Variants in DEFB115 observed in about 807,000 individuals in gnomAD.
DEFB115 encodes beta-defensin 115.
A neutral mutation model predicts 8.8 loss-of-function variants in DEFB115; 7 were observed. The observed-to-expected ratio is 0.79, with a 90% CI of 0.45 to 1.49. DEFB115 has a LOEUF of 1.49. Among genes scored for constraint, DEFB115 ranks in the 40% most tolerant of loss-of-function variants. The pLI, the probability that DEFB115 is intolerant of heterozygous loss-of-function variation, is 0.01. For synonymous variants in DEFB115, 62 were observed against 37.6 expected (o/e 1.65, Z -2.37); for missense variants, 143 against 99.4 (o/e 1.44, Z -1.86).
chr20:31,257,814 G>A (rs1600438198), intron 1 of DEFB115, 57 bp downstream of exon 1: 1 of 1,460,870 alleles, frequency 6.8e-7, no homozygotes, highest in Non-Finnish European at 9.6e-7. Context: ...CCTAACCACA[G>A]AATCACTGGA....
In DEFB115 at chr20:31,259,547, A is replaced by G. The variant is rs767057900; in HGVS notation, c.182A>G (p.Glu61Gly). 3 of 1,613,206 alleles carry G rather than the reference A, an allele frequency of 1.9e-6. No individual in the cohort carries two copies. The highest frequency in any genetic ancestry group is 2.2e-5 in the South Asian group (2 of 90,910). ...EIERKKEKCGEKHICCVPKEK... is the reference protein window; with the variant it reads ...EIERKKEKCGGKHICCVPKEK... ...GAGAGGAAGAAAGAAAAATGTGGGG[A>G]AAAACATATTTGCTGTGTCCCTAAA... The change falls in exon 2 of 2, where the codon GAA becomes GGA. Residue 61 changes from glutamate (E) to glycine (G), a missense_variant. Transcript: ENST00000400552.
chr20:31,259,355 T>A, intron 1 of DEFB115, 105 bp from the exon 2 acceptor site: 1 of 1,206,844 alleles, frequency 8.3e-7, no homozygotes, highest in Non-Finnish European at 1.1e-6. Context: ...AGTGTCAAAA[T>A]CAATGTTTCA....
intron 1 of DEFB115, 90 bp from the exon 2 acceptor site, chr20:31,259,370 A>C: frequency 7.6e-7 from 1 of 1,321,440 alleles, no homozygotes; most frequent in Non-Finnish European, 1.0e-6. Context: ...GTTTCACTCT[A>C]ACCATTATTA....
In DEFB115 at chr20:31,259,628, T is replaced by A; in HGVS notation, c.263T>A (p.Ile88Asn). 8 of 1,580,702 alleles carry A rather than the reference T, an allele frequency of 5.1e-6. No homozygotes were observed. Among genetic ancestry groups the A allele is most frequent in the Non-Finnish European group, 6.9e-6 (8 of 1,166,116 alleles). The change falls in exon 2 of 2, where the codon ATC becomes AAC. Residue 88 changes from isoleucine (I) to asparagine (N), a missense_variant. Transcript: ENST00000400552. ...HDQKETSELY[I>N] ...CAAAAAGAGACAAGTGAGCTATATATCTAGTTGCGACTCCTAATTCAGAAT... is the reference window on the plus strand; with the variant it reads ...CAAAAAGAGACAAGTGAGCTATATAACTAGTTGCGACTCCTAATTCAGAAT...
chr20:31,257,877 A>G, intron 1 of DEFB115, 120 bp downstream of exon 1: 1 of 851,130 alleles, frequency 1.2e-6, no homozygotes, highest in South Asian at 1.6e-5. Flanking sequence ...CTGAGATCTG[A>G]TGAAAGGCTT....
At chr20:31,259,144 T>C (rs529268620) in intron 1 of DEFB115, among the ~76,000 whole-genome samples, 16 of 152,036 alleles carry the variant, frequency 1.1e-4, no homozygotes, top group Non-Finnish European at 2.2e-4. Context: ...AAAAAGATAA[T>C]TGAAGGCTTA....
At chr20:31,259,405 T>C in intron 1 of DEFB115, 55 bp from the exon 2 acceptor site, 1 of 1,472,280 alleles carries the variant, frequency 6.8e-7, no homozygotes, top group Non-Finnish European at 9.0e-7. Flanking sequence ...CTTTCTTTAA[T>C]TGTATTTATT....
At chr20:31,257,844 G>A in intron 1 of DEFB115, 87 bp downstream of exon 1, 2 of 1,189,842 alleles carry the variant, frequency 1.7e-6, no homozygotes, top group Non-Finnish European at 2.5e-6. Context: ...ATGTGTAGAA[G>A]CAAGGAGAGC....
At position 31,259,446 on chromosome 20, in the gene DEFB115, G is replaced by T; in HGVS notation, c.95-14G>T. ...AATGTATTTATATATTCATGTGTTT[G>T]CTTATTTTGATAGATGGATGGATCA... On this transcript the variant is annotated splice_polypyrimidine_tract_variant and intron_variant, in intron 1 of 1. Coordinates refer to ENST00000400552, the MANE Select transcript of DEFB115 (RefSeq NM_001037730.1). 1 of 1,579,116 alleles carries T rather than the reference G, an allele frequency of 6.3e-7. No homozygotes were observed. Among genetic ancestry groups the T allele is most frequent in the Non-Finnish European group, 8.6e-7 (1 of 1,167,234 alleles).
In DEFB115 at chr20:31,257,751, GC is replaced by G. The variant is rs773196048; in HGVS notation, c.92del (p.Pro31GlnfsTer?). The G allele has an allele frequency of 1.2e-6, 2 of 1,612,932 alleles. No individual in the cohort carries two copies. The highest frequency in any genetic ancestry group is 1.7e-6 in the Non-Finnish European group (2 of 1,178,998). ...LVVLVVLAQT[A>X]PDGWIRRCYY... ...TGTCCTTGTGGTCCTGGCTCAGACTGCCCCAGGTAAACAGAACCATGGAGAG... is the reference window on the plus strand; with the variant it reads ...TGTCCTTGTGGTCCTGGCTCAGACTGCCCAGGTAAACAGAACCATGGAGAG... On this transcript the variant is annotated frameshift_variant, in exon 1 of 2. Transcript: ENST00000400552. LOFTEE classifies it high-confidence loss of function.
chr20:31,259,447 C>T lies in DEFB115; in HGVS notation c.95-13C>T, dbSNP rs776975697. 6.3e-6 allele frequency: 10 copies of T among 1,577,248 alleles called. No individual in the cohort carries two copies. The highest frequency in any genetic ancestry group is 1.9e-5 in the Admixed American group (1 of 51,684). ...ATGTATTTATATATTCATGTGTTTG[C>T]TTATTTTGATAGATGGATGGATCAG... On this transcript the variant is annotated splice_polypyrimidine_tract_variant and intron_variant, in intron 1 of 1. Coordinates refer to ENST00000400552, the MANE Select transcript of DEFB115 (RefSeq NM_001037730.1).
chr20:31,257,792 T>TA, intron 1 of DEFB115, 35 bp downstream of exon 1: 1 of 1,563,518 alleles, frequency 6.4e-7, no homozygotes, highest in Non-Finnish European at 8.8e-7. Context: ...GAAAAGGGAG[T>TA]AAGGATGGGG....
chr20:31,259,599 C>G lies in DEFB115; in HGVS notation c.234C>G (p.His78Gln). 6.2e-7 allele frequency: 1 copy of G among 1,604,748 alleles called. No homozygotes were observed. The highest frequency in any genetic ancestry group is 1.7e-4 in the Middle Eastern group (1 of 5,998). ...AAAAGGATAAACTATCACACATTCA[C>G]GACCAAAAAGAGACAAGTGAGCTAT... ...PKEKDKLSHIHDQKETSELYI is the reference protein window; with the variant it reads ...PKEKDKLSHIQDQKETSELYI The change falls in exon 2 of 2, where the codon CAC (histidine) becomes CAG (glutamine). Residue 78 changes from histidine (H) to glutamine (Q), a missense_variant. Coordinates refer to ENST00000400552, the MANE Select transcript of DEFB115 (RefSeq NM_001037730.1).
chr20:31,258,953 A>AACACAC (rs1040242861), intron 1 of DEFB115, among the ~76,000 whole-genome samples: 2 of 151,474 alleles, frequency 1.3e-5, no homozygotes, highest in African/African-American at 4.8e-5. Flanking sequence ...CCCACCCCCC[A>AACACAC]ACACACACAC....
At position 31,259,047 on chromosome 20, in the gene DEFB115, G is replaced by A. The variant is rs560742022; in HGVS notation, c.95-413G>A. ...GGTCTTGCTTTAAACAACCCCTGGG[G>A]CAAGCACCCCTAGAACAAACAATGC... On this transcript the variant is annotated intron_variant, in intron 1 of 1. Coordinates refer to ENST00000400552, the MANE Select transcript of DEFB115 (RefSeq NM_001037730.1). 2.6e-5 allele frequency among the ~76,000 whole-genome samples: 4 copies of A among 152,092 alleles called. No individual in the cohort carries two copies. In the South Asian group the frequency reaches 8.3e-4, roughly 32 times the overall value.
In DEFB115 at chr20:31,257,701, T is replaced by C. The variant is rs1197497818; in HGVS notation, c.38T>C (p.Ile13Thr). 4 of 1,613,980 alleles carry C rather than the reference T, an allele frequency of 2.5e-6. No homozygotes were observed. Among genetic ancestry groups the C allele is most frequent in the South Asian group, 1.1e-5 (1 of 91,068 alleles). ...CATTTCTCACCCCTCTCAGGAGACA[T>C]TAAACTCTCTGTCCTGGCCTTAGTT... ...PDHFSPLSGD[I>T]KLSVLALVVL... The change falls in exon 1 of 2, where the codon ATT becomes ACT. Residue 13 changes from isoleucine to threonine, a missense_variant. Transcript: ENST00000400552.
chr20:31,259,302 A>G (rs1478938267), intron 1 of DEFB115, among the ~76,000 whole-genome samples, 158 bp from the exon 2 acceptor site: 3 of 152,226 alleles, frequency 2.0e-5, no homozygotes, highest in Admixed American at 2.0e-4. Flanking sequence ...ACTCCTAGTC[A>G]TTAAACATGC....
chr20:31,257,732 T>C lies in DEFB115; in HGVS notation c.69T>C (p.Leu23=). The C allele has an allele frequency of 6.2e-7, 1 of 1,613,946 alleles. No homozygotes were observed. Among genetic ancestry groups the C allele is most frequent in the Non-Finnish European group, 8.5e-7 (1 of 1,179,898 alleles). Residue 23 remains leucine (L), a synonymous_variant, in exon 1 of 2, where the codon CTT becomes CTC. Coordinates refer to ENST00000400552, the MANE Select transcript of DEFB115 (RefSeq NM_001037730.1). The part of the protein sequence containing the change: ...IKLSVLALVV[L]VVLAQTAPDG... ...TCTCTGTCCTGGCCTTAGTTGTCCT[T>C]GTGGTCCTGGCTCAGACTGCCCCAG...
intron 1 of DEFB115, among the ~76,000 whole-genome samples, chr20:31,258,932 C>A (rs553741343): frequency 6.6e-6 from 1 of 152,088 alleles, no homozygotes; most frequent in East Asian, 1.9e-4. Context: ...CAGTGTTAAA[C>A]CCTCCCTGCA....
Sources: allele counts gnomAD v4.1 joint callset (sites outside exome capture counted in the v4.1 genomes callset), GRCh38; gene constraint gnomAD v4.1.1; transcripts MANE v1.5; gene names NCBI Gene and HGNC (gene_info 2026-07-23, HGNC 2026-07-21).